THSD7A: variants seen among roughly 807,000 people sequenced by gnomAD.
The protein encoded by THSD7A is thrombospondin type-1 domain-containing protein 7A.
In THSD7A, 96 loss-of-function variants were observed where a neutral mutation model predicts 231.3. The ratio of observed to expected loss-of-function variants is 0.41; its 90% CI spans 0.35 to 0.49. The LOEUF (loss-of-function observed/expected upper bound fraction) is 0.49, where lower values mean the gene tolerates loss of function less well. THSD7A is among the 20% of genes least tolerant of loss of function. The probability of loss-of-function intolerance (pLI) is 0.05; values close to 1 mark genes in which losing one functional copy is unlikely to be tolerated. For missense variants in THSD7A, 2,290 were observed against 2,070.2 expected, an observed-to-expected ratio of 1.11 and a Z score of -2.06; for synonymous variants, 940 against 743.3, an observed-to-expected ratio of 1.26 and a Z score of -4.30.
At chr7:11,799,610 G>A (rs1033907197) in intron 1 of THSD7A, among the ~76,000 whole-genome samples, 12 of 152,204 alleles carry the variant, frequency 7.9e-5, no homozygotes, top group African/African-American at 2.9e-4. Context: ...TTATTCCTTA[G>A]ATCACATTCC....
intron 6 of THSD7A, among the ~76,000 whole-genome samples, chr7:11,538,494 T>G (rs752431276): frequency 6.6e-6 from 1 of 152,154 alleles, no homozygotes; most frequent in Non-Finnish European, 1.5e-5. Flanking sequence ...AAAATACACT[T>G]GCTTTGCCAG....
intron 1 of THSD7A, among the ~76,000 whole-genome samples, chr7:11,721,943 C>G (rs1583224284): frequency 6.6e-6 from 1 of 151,740 alleles, no homozygotes; most frequent in South Asian, 2.1e-4. Flanking sequence ...TTTATGCACC[C>G]CTTCCCAATT....
intron 4 of THSD7A, among the ~76,000 whole-genome samples, chr7:11,544,587 G>A (rs62432837): frequency 0.017 from 2,641 of 152,186 alleles, 31 homozygotes; most frequent in Middle Eastern, 0.031. Flanking sequence ...TTAAATGAAA[G>A]TACTATGTCT....
At chr7:11,546,202 G>GCGCACACACACACACACACACACA (rs761841418) in intron 4 of THSD7A, among the ~76,000 whole-genome samples, 3 of 129,440 alleles carry the variant, frequency 2.3e-5, no homozygotes, top group South Asian at 2.3e-4. Flanking sequence ...GTGGGCGCGC[G>GCGCACACACACACACACACACACA]CTCACACACA....
chr7:11,659,506 A>C (rs1782843001), intron 1 of THSD7A, among the ~76,000 whole-genome samples: 1 of 151,396 alleles, frequency 6.6e-6, no homozygotes, highest in Non-Finnish European at 1.5e-5. Flanking sequence ...ATTGCCTTCT[A>C]TACCATTTTC....
At chr7:11,402,017 C>T (rs2115358269) in intron 22 of THSD7A, 49 bp from the exon 23 acceptor site, 1 of 1,537,334 alleles carries the variant, frequency 6.5e-7, no homozygotes, top group African/African-American at 1.4e-5. Context: ...AGAGAAAAGC[C>T]AGCCCGATAA....
chr7:11,382,501 A>G lies in THSD7A; in HGVS notation c.4507+20T>C, dbSNP rs771184850. 2 of 1,588,456 alleles carry G rather than the reference A, an allele frequency of 1.3e-6. No individual in the cohort carries two copies. Among genetic ancestry groups the G allele is most frequent in the African/African-American group, 2.7e-5 (2 of 74,512 alleles). ...GTTACAGGAAGATTTTCAAAGGACAAAGAGAAACTGGAGGTTTACCTGTTA... is the reference window on the plus strand; with the variant it reads ...GTTACAGGAAGATTTTCAAAGGACAGAGAGAAACTGGAGGTTTACCTGTTA... On this transcript the variant is annotated intron_variant, in intron 24 of 27. Coordinates refer to ENST00000423059, the MANE Select transcript of THSD7A (RefSeq NM_015204.3).
chr7:11,486,294 A>G (rs1373513134), intron 6 of THSD7A, among the ~76,000 whole-genome samples: 1 of 152,234 alleles, frequency 6.6e-6, no homozygotes, highest in East Asian at 1.9e-4. Flanking sequence ...ACTGTTTTGC[A>G]TAACATTACT....
chr7:11,421,927 C>T (rs1290123943), intron 16 of THSD7A, among the ~76,000 whole-genome samples: 2 of 152,084 alleles, frequency 1.3e-5, no homozygotes, highest in Non-Finnish European at 2.9e-5. Flanking sequence ...CCCTAGAATA[C>T]AGAATATTTG....
intron 1 of THSD7A, among the ~76,000 whole-genome samples, chr7:11,690,518 G>A (rs939019233): frequency 1.3e-5 from 2 of 151,656 alleles, no homozygotes; most frequent in African/African-American, 4.8e-5. Flanking sequence ...GCTGCTGTGT[G>A]TGTTTTCCTC....
intron 4 of THSD7A, among the ~76,000 whole-genome samples, chr7:11,567,756 C>T (rs906920633): frequency 1.3e-5 from 2 of 152,162 alleles, no homozygotes; most frequent in African/African-American, 4.8e-5. Flanking sequence ...ACCCTGTTAC[C>T]TCAACTTGGG....
chr7:11,805,573 T>G (rs999534476), intron 1 of THSD7A, among the ~76,000 whole-genome samples: 8 of 152,140 alleles, frequency 5.3e-5, no homozygotes, highest in African/African-American at 1.9e-4. Flanking sequence ...CTTAAAAGAA[T>G]ATAATTTCCT....
At chr7:11,462,216 A>T in intron 9 of THSD7A, 73 bp from the exon 10 acceptor site, 7 of 1,511,338 alleles carry the variant, frequency 4.6e-6, no homozygotes, top group Non-Finnish European at 6.3e-6. Flanking sequence ...GTCTGTGTGA[A>T]GAAATTACAT....
chr7:11,391,405 A>AAAAC (rs1782976106), intron 23 of THSD7A, among the ~76,000 whole-genome samples: 1 of 152,182 alleles, frequency 6.6e-6, no homozygotes, highest in South Asian at 2.1e-4. Flanking sequence ...CTGTGAAGGT[A>AAAAC]AAACAGCCTA....
chr7:11,578,738 A>C (rs1195855549), intron 4 of THSD7A, among the ~76,000 whole-genome samples: 2 of 152,228 alleles, frequency 1.3e-5, no homozygotes, highest in African/African-American at 4.8e-5. Flanking sequence ...AATTGGGACA[A>C]TGGTTGAAGG....
intron 1 of THSD7A, among the ~76,000 whole-genome samples, chr7:11,673,601 C>T (rs763094986): frequency 2.0e-5 from 3 of 152,176 alleles, no homozygotes; most frequent in Non-Finnish European, 4.4e-5. Flanking sequence ...GCCTGCCTGG[C>T]CACTCCTGCA....
At chr7:11,476,709 G>A (rs1786199723) in intron 7 of THSD7A, among the ~76,000 whole-genome samples, 1 of 151,790 alleles carries the variant, frequency 6.6e-6, no homozygotes, top group Admixed American at 6.6e-5. Context: ...CAGCTATTCA[G>A]GAGGCTGAGG....
chr7:11,648,619 T>C (rs966172903), intron 1 of THSD7A, among the ~76,000 whole-genome samples: 1 of 130,518 alleles, frequency 7.7e-6, no homozygotes, highest in African/African-American at 2.7e-5. Flanking sequence ...CAATAGCTTG[T>C]CAGGATCTAT....
At chr7:11,387,681 C>G (rs1782812173) in intron 23 of THSD7A, among the ~76,000 whole-genome samples, 1 of 152,126 alleles carries the variant, frequency 6.6e-6, no homozygotes, top group African/African-American at 2.4e-5. Context: ...TCCTCTTTTA[C>G]TATTTGAATA....
Sources: allele counts gnomAD v4.1 joint callset (sites outside exome capture counted in the v4.1 genomes callset), GRCh38; gene constraint gnomAD v4.1.1; transcripts MANE v1.5; gene names NCBI Gene and HGNC (gene_info 2026-07-23, HGNC 2026-07-21).